The following RHBDF2 variants were observed in gnomAD, a reference collection of about 807,000 sequenced individuals.
The protein encoded by RHBDF2 is inactive rhomboid protein 2.
RHBDF2 carries 38 observed loss-of-function variants against 95.2 expected under a neutral mutation model. That is an observed-to-expected ratio of 0.40 (90% CI 0.31 to 0.52). The LOEUF (loss-of-function observed/expected upper bound fraction) is 0.52. Among genes scored for constraint, RHBDF2 ranks in the 20% least tolerant of loss-of-function variants. RHBDF2 has a pLI of 0.56. For missense variants in RHBDF2, 863 were observed against 1,137.7 expected, an observed-to-expected ratio of 0.76 and a Z score of 3.47; for synonymous variants, 442 against 462.0, an observed-to-expected ratio of 0.96 and a Z score of 0.55.
At chr17:76,479,304 G>A (rs2073873545) in intron 4 of RHBDF2, 27 bp from the exon 5 acceptor site, 4 of 1,573,966 alleles carry the variant, frequency 2.5e-6, no homozygotes, top group Non-Finnish European at 3.4e-6. Context: ...GGGACAGGTG[G>A]GCATACGCTT....
intron 1 of RHBDF2, among the ~76,000 whole-genome samples, chr17:76,488,818 G>T: frequency 6.6e-6 from 1 of 151,312 alleles, no homozygotes; most frequent in Non-Finnish European, 1.5e-5. Flanking sequence ...TGTGGTGGCG[G>T]GCGCCTGTAA....
At chr17:76,498,823 T>TGTGTGTGTGTGA (rs763823463) in intron 1 of RHBDF2, among the ~76,000 whole-genome samples, 14 of 141,094 alleles carry the variant, frequency 9.9e-5, no homozygotes, top group East Asian at 2.1e-4. Flanking sequence ...TGTGTGTGTG[T>TGTGTGTGTGTGA]GAGTCTGTGT....
At chr17:76,486,952 CTTTTTT>C (rs34202592) in intron 2 of RHBDF2, among the ~76,000 whole-genome samples, 1 of 72,620 alleles carries the variant, frequency 1.4e-5, no homozygotes, top group Non-Finnish European at 2.5e-5. Flanking sequence ...CGCTTCCTGC[CTTTTTT>C]TTTTTTTTTT....
chr17:76,477,130 C>T (rs61267327), intron 8 of RHBDF2, 50 bp downstream of exon 8: 37,202 of 1,609,996 alleles, frequency 0.023, 488 homozygotes, highest in African/African-American at 0.027. Context: ...TCTGGGGATG[C>T]CCCCAGGCTG....
At chr17:76,490,247 C>T (rs956143238) in intron 1 of RHBDF2, among the ~76,000 whole-genome samples, 1 of 152,198 alleles carries the variant, frequency 6.6e-6, no homozygotes, top group Non-Finnish European at 1.5e-5. Context: ...GCTGGCTTCG[C>T]CTCCTTCCAT....
At chr17:76,485,330 G>C (rs2144278470) in intron 2 of RHBDF2, among the ~76,000 whole-genome samples, 1 of 148,874 alleles carries the variant, frequency 6.7e-6, no homozygotes, top group East Asian at 2.0e-4. Flanking sequence ...AGAATCGCTT[G>C]AACCTGGAAG....
Position 76,475,125 on chromosome 17 carries a change from A to C in RHBDF2, c.1132T>G (p.Trp378Gly). The C allele has an allele frequency of 6.3e-7, 1 of 1,593,138 alleles. No homozygotes were observed. The highest frequency in any genetic ancestry group is 8.5e-7 in the Non-Finnish European group (1 of 1,170,652). Residue 378 changes from tryptophan to glycine, a missense_variant, in exon 10 of 19, where the codon TGG (tryptophan) becomes GGG (glycine). Trp to Gly is a radical substitution (Grantham distance 184). Around this residue, in one of 2 missense-constraint regions of RHBDF2, gnomAD observed 611 missense variants for 725.5 expected, o/e 0.84. Transcript: ENST00000675367. The part of the protein sequence containing the change: ...FDSHRPYFTY[W>G]LTFVHVIITL... ...ATGATGACATGGACGAAGGTCAGCC[A>C]GTAGGTGAAGTAGGGCCTGTGCAGA...
rs1326300003 is a variant in RHBDF2, at chr17:76,477,167, C to T, written c.920+13G>A. On this transcript the variant is annotated intron_variant, in intron 8 of 18. Coordinates refer to ENST00000675367, the MANE Select transcript of RHBDF2 (RefSeq NM_001005498.4). ...TGGCTGGCCTGGAGGAGGGACTCTG[C>T]CCCAGCACTCACAGAGGGATTTGCA... 1.2e-6 allele frequency: 2 copies of T among 1,611,310 alleles called. No homozygotes were observed. The highest frequency in any genetic ancestry group is 1.7e-6 in the Non-Finnish European group (2 of 1,179,120).
In RHBDF2 at chr17:76,472,926, G is replaced by A; in HGVS notation, c.1910+79C>T. The A allele has an allele frequency of 3.1e-6, 5 of 1,593,120 alleles. No homozygotes were observed. In the African/African-American group the frequency reaches 5.4e-5, roughly 17 times the overall value. On this transcript the variant is annotated intron_variant, in intron 17 of 18. Transcript: ENST00000675367. Reference sequence around the variant, plus strand: ...GGCAGGTTGGGCCGGCCATGCCCTGGCCCAGGAACCTTTCCCCAGGGGTCC... The same window carrying A: ...GGCAGGTTGGGCCGGCCATGCCCTGACCCAGGAACCTTTCCCCAGGGGTCC...
chr17:76,498,838 C>CTG (rs1172844708), intron 1 of RHBDF2, among the ~76,000 whole-genome samples: 168 of 101,124 alleles, frequency 1.7e-3, no homozygotes, highest in South Asian at 0.013. Flanking sequence ...CTGTGTGTGT[C>CTG]TGTGTGTTTG....
chr17:76,495,384 G>A (rs890634583), intron 1 of RHBDF2, among the ~76,000 whole-genome samples: 5 of 152,234 alleles, frequency 3.3e-5, no homozygotes, highest in Non-Finnish European at 4.4e-5. Flanking sequence ...CCTCCAGACA[G>A]TGAAAATCTG....
chr17:76,495,753 G>A (rs2074414115), intron 1 of RHBDF2, among the ~76,000 whole-genome samples: 1 of 152,176 alleles, frequency 6.6e-6, no homozygotes, highest in Non-Finnish European at 1.5e-5. Flanking sequence ...TCTGCCTCCG[G>A]CTGCATGGAG....
intron 2 of RHBDF2, among the ~76,000 whole-genome samples, chr17:76,484,321 C>T (rs2074057736): frequency 6.6e-6 from 1 of 152,094 alleles, no homozygotes; most frequent in Non-Finnish European, 1.5e-5. Flanking sequence ...CCTTCACATC[C>T]CAAGGTTCCT....
intron 9 of RHBDF2, among the ~76,000 whole-genome samples, chr17:76,475,371 C>T (rs1334429329): frequency 6.6e-6 from 1 of 152,196 alleles, no homozygotes; most frequent in Admixed American, 6.5e-5. Flanking sequence ...CAGAATCACC[C>T]CCTCTTGCTG....
At chr17:76,473,771 TG>T (rs760567574) in intron 14 of RHBDF2, 29 bp from the exon 15 acceptor site, 344 of 1,611,450 alleles carry the variant, frequency 2.1e-4, no homozygotes, top group Non-Finnish European at 3.5e-5. Context: ...GGCAGGGAAG[TG>T]GGCTGTGCAG....
intron 6 of RHBDF2, among the ~76,000 whole-genome samples, chr17:76,478,191 T>A (rs1213981368): frequency 6.6e-6 from 1 of 152,180 alleles, no homozygotes; most frequent in African/African-American, 2.4e-5. Context: ...TGACCCCATC[T>A]CCTGCCACAG....
rs1369794120 is a variant in RHBDF2 at position 76,471,801 on chromosome 17, C to T, written c.2316G>A (p.Lys772=). ...ITFGTSDKYR[K]RALILVSLLA... ...GCAGTGACACCAGGATGAGTGCCCG[C>T]TTGCGGTACTTGTCGCTGGTGCCGA... Residue 772 remains lysine, a synonymous_variant, in exon 19 of 19, where the codon AAG becomes AAA. Coordinates refer to ENST00000675367, the MANE Select transcript of RHBDF2 (RefSeq NM_001005498.4). 5 of 1,604,296 alleles carry T rather than the reference C, an allele frequency of 3.1e-6. No individual in the cohort carries two copies. Among genetic ancestry groups the T allele is most frequent in the Non-Finnish European group, 4.3e-6 (5 of 1,175,532 alleles).
rs1005245675 is a variant in RHBDF2, at chr17:76,473,161, C to T, written c.1810-56G>A. ...CAGAAGCAGGCTGAGTCTGAGGCTC[C>T]GACATGGGAGGGAGTGCGTGAGCCC... On this transcript the variant is annotated intron_variant, in intron 16 of 18. Coordinates refer to ENST00000675367, the MANE Select transcript of RHBDF2 (RefSeq NM_001005498.4). 24 of 1,587,964 alleles carry T rather than the reference C, an allele frequency of 1.5e-5. No individual in the cohort carries two copies. Among genetic ancestry groups the T allele is most frequent in the African/African-American group, 1.1e-4 (8 of 74,410 alleles).
At chr17:76,477,054 T>C in intron 8 of RHBDF2, 30 bp from the exon 9 acceptor site, 1 of 1,611,420 alleles carries the variant, frequency 6.2e-7, no homozygotes, top group East Asian at 2.2e-5. Flanking sequence ...TCAGCCTGAA[T>C]CCCCCACCAA....
Sources: allele counts gnomAD v4.1 joint callset (sites outside exome capture counted in the v4.1 genomes callset), GRCh38; gene constraint gnomAD v4.1.1; regional missense constraint gnomAD v4.1.1; transcripts MANE v1.5; gene names NCBI Gene and HGNC (gene_info 2026-07-23, HGNC 2026-07-21).